The following MCCC1 variants were observed in gnomAD, a reference collection of about 807,000 sequenced individuals.
MCCC1 encodes methylcrotonyl-CoA carboxylase subunit 1, also known as methylcrotonoyl-CoA carboxylase subunit alpha, mitochondrial.
In MCCC1, 64 loss-of-function variants were observed where a neutral mutation model predicts 83.8. The observed-to-expected ratio is 0.76, with a 90% CI of 0.62 to 0.94. MCCC1 has a LOEUF of 0.94. MCCC1 is among the 40% of genes least tolerant of loss of function. The pLI, the probability that MCCC1 is intolerant of heterozygous loss-of-function variation, is 0.00. For synonymous variants in MCCC1, 322 were observed against 315.4 expected, an observed-to-expected ratio of 1.02 and a Z score of -0.22; for missense variants, 807 against 904.7, an observed-to-expected ratio of 0.89 and a Z score of 1.39.
upstream of MCCC1, among the ~76,000 whole-genome samples, chr3:183,103,969 C>T (rs2108582873): frequency 6.6e-6 from 1 of 152,318 alleles, no homozygotes; most frequent in African/African-American, 2.4e-5. Flanking sequence ...CCAGTACACC[C>T]TCCGCAGCCG....
intron 3 of MCCC1, among the ~76,000 whole-genome samples, chr3:183,088,241 C>T (rs1718055540): frequency 6.8e-6 from 1 of 147,466 alleles, no homozygotes; most frequent in African/African-American, 2.5e-5. Flanking sequence ...AAGTCTTGCT[C>T]TGTCGCCCAG....
upstream of MCCC1, chr3:183,099,728 TCTCCATC>T (rs1337693926): frequency 1.9e-6 from 1 of 533,688 alleles, no homozygotes; most frequent in African/African-American, 1.9e-5. Context: ...GCAAGGGTTT[TCTCCATC>T]CTCCCCCTCT....
intron 4 of MCCC1, among the ~76,000 whole-genome samples, chr3:183,079,175 C>T (rs562598736): frequency 6.6e-6 from 1 of 152,340 alleles, no homozygotes; most frequent in South Asian, 2.1e-4. Flanking sequence ...TGAAACCAAT[C>T]ATGCCTTCCC....
chr3:183,102,326 A>G (rs1336077096), upstream of MCCC1, among the ~76,000 whole-genome samples: 1 of 152,118 alleles, frequency 6.6e-6, no homozygotes, highest in African/African-American at 2.4e-5. Flanking sequence ...TCATGCCACT[A>G]TACTCCAGCC....
intron 1 of MCCC1, among the ~76,000 whole-genome samples, chr3:183,113,922 G>A (rs1719545096): frequency 6.6e-6 from 1 of 151,932 alleles, no homozygotes; most frequent in African/African-American, 2.4e-5. Flanking sequence ...TGTCTTGGGG[G>A]GTGAGCCCTC....
chr3:183,019,794 TTGC>T (rs1378399246), intron 17 of MCCC1, among the ~76,000 whole-genome samples: 15 of 152,260 alleles, frequency 9.9e-5, no homozygotes, highest in African/African-American at 2.7e-4. Flanking sequence ...CATGAAAAAT[TTGC>T]TGCTATTAAA....
chr3:183,052,652 CAA>C, intron 8 of MCCC1, among the ~76,000 whole-genome samples: 1 of 145,384 alleles, frequency 6.9e-6, no homozygotes, highest in Middle Eastern at 3.6e-3. Context: ...ACTAAAAATA[CAA>C]AGAAAATTAG....
In MCCC1 at chr3:183,057,381, G is replaced by A. The variant is rs1457000668; in HGVS notation, c.803C>T (p.Ala268Val). The A allele has an allele frequency of 6.2e-7, 1 of 1,610,274 alleles. No individual in the cohort carries two copies. The part of the protein sequence containing the change: ...VQVFGDHHGN[A>V]VYLFERDCSV... ...ACAGTCTCTTTCAAACAAGTACACA[G>A]CATTGCCATGGTGATCACCAAACAC... Residue 268 changes from alanine to valine, a missense_variant, in exon 8 of 19, where the codon GCT becomes GTT. Ala to Val is a moderately conservative substitution (Grantham distance 64, BLOSUM62 0). Coordinates refer to ENST00000265594, the MANE Select transcript of MCCC1 (RefSeq NM_020166.5).
At chr3:183,094,515 C>T (rs961089321) in intron 2 of MCCC1, 44 bp downstream of exon 2, 13 of 1,591,560 alleles carry the variant, frequency 8.2e-6, no homozygotes, top group East Asian at 2.2e-5. Context: ...TAAACACTTC[C>T]AGTCTGAAGC....
At chr3:183,059,450 T>C (rs1715665232) in intron 7 of MCCC1, among the ~76,000 whole-genome samples, 2 of 152,250 alleles carry the variant, frequency 1.3e-5, no homozygotes, top group South Asian at 4.1e-4. Context: ...CTTGTTGACT[T>C]TTCCTCTTTA....
chr3:183,049,657 C>T (rs955106162), intron 9 of MCCC1, among the ~76,000 whole-genome samples: 5 of 150,560 alleles, frequency 3.3e-5, no homozygotes, highest in Admixed American at 2.6e-4. Flanking sequence ...AGAGAAAATA[C>T]AAATTGCTAG....
At chr3:183,115,169 T>C (rs982811501) in intron 1 of MCCC1, among the ~76,000 whole-genome samples, 2 of 152,036 alleles carry the variant, frequency 1.3e-5, no homozygotes, top group Admixed American at 6.5e-5. Context: ...TGGAAAACAA[T>C]CCTCTAGCAT....
intron 7 of MCCC1, among the ~76,000 whole-genome samples, chr3:183,066,339 C>T (rs1364720975): frequency 6.6e-6 from 1 of 152,172 alleles, no homozygotes; most frequent in Non-Finnish European, 1.5e-5. Flanking sequence ...GAGTCTCACT[C>T]TGTCGCCCAA....
intron 4 of MCCC1, among the ~76,000 whole-genome samples, chr3:183,079,853 T>A (rs1717357088): frequency 6.6e-6 from 1 of 152,194 alleles, no homozygotes; most frequent in East Asian, 1.9e-4. Flanking sequence ...AACCTCAGTT[T>A]TTGACTTTTG....
At chr3:183,066,148 A>G (rs1470675313) in intron 7 of MCCC1, among the ~76,000 whole-genome samples, 2 of 152,194 alleles carry the variant, frequency 1.3e-5, no homozygotes, top group African/African-American at 4.8e-5. Context: ...CTTAGTGTAC[A>G]TTATCAGTAT....
chr3:183,056,882 TG>T (rs1715459616), intron 8 of MCCC1, among the ~76,000 whole-genome samples: 1 of 152,100 alleles, frequency 6.6e-6, no homozygotes, highest in African/African-American at 2.4e-5. Flanking sequence ...TTAGTAGAGA[TG>T]GGGGTTTCTC....
intron 12 of MCCC1, among the ~76,000 whole-genome samples, chr3:183,037,685 T>C (rs1337049903): frequency 6.6e-6 from 1 of 152,206 alleles, no homozygotes; most frequent in African/African-American, 2.4e-5. Context: ...TACATTTTAA[T>C]ATGACAAAGA....
At chr3:183,071,869 ATT>A (rs377212072) in intron 5 of MCCC1, among the ~76,000 whole-genome samples, 3 of 132,766 alleles carry the variant, frequency 2.3e-5, no homozygotes, top group Admixed American at 7.9e-5. Flanking sequence ...ACCCAGCTGA[ATT>A]TTTTTTTTTT....
chr3:183,063,502 A>C (rs2108514037), intron 7 of MCCC1, among the ~76,000 whole-genome samples: 1 of 152,320 alleles, frequency 6.6e-6, no homozygotes, highest in South Asian at 2.1e-4. Context: ...CCATTAGTTC[A>C]ACAGGTAATT....
Sources: gnomAD v4.1 joint callset for allele counts (sites outside exome capture counted in the v4.1 genomes callset) on GRCh38, gnomAD v4.1.1 for gene constraint, MANE v1.5 for transcripts, NCBI Gene and HGNC (gene_info 2026-07-23, HGNC 2026-07-21) for gene names.